CLASP2: variants seen among roughly 807,000 people sequenced by gnomAD.
CLASP2 encodes the protein CLIP-associating protein 2.
In CLASP2, 47 loss-of-function variants were observed where a neutral mutation model predicts 194.4. The ratio of observed to expected loss-of-function variants is 0.24; its 90% CI spans 0.19 to 0.31. The LOEUF is 0.31. CLASP2 is among the 10% of genes least tolerant of loss of function. The probability of loss-of-function intolerance (pLI) is 1.00; values close to 1 mark genes in which losing one functional copy is unlikely to be tolerated. For synonymous variants in CLASP2, 619 were observed against 633.5 expected (o/e 0.98, Z 0.34); for missense variants, 1,445 against 1,823.6 (o/e 0.79, Z 3.78).
rs756994637 is a variant in CLASP2, at chr3:33,510,794, G to A, written c.4111-30C>T. On this transcript the variant is annotated intron_variant, in intron 36 of 38. Coordinates refer to ENST00000682230, the MANE Select transcript of CLASP2 (RefSeq NM_001365631.1). Reference sequence around the variant, plus strand: ...AAAAAATAGGAAATTAAGCCAGAAAGTAATTTTTAAAATATTACACTACAT... The same window carrying A: ...AAAAAATAGGAAATTAAGCCAGAAAATAATTTTTAAAATATTACACTACAT... 3.2e-6 allele frequency: 5 copies of A among 1,548,304 alleles called. No homozygotes were observed. The African/African-American group carries it at 5.5e-5, about 17-fold the overall frequency.
chr3:33,518,986 G>A (rs2052212251), intron 34 of CLASP2, among the ~76,000 whole-genome samples: 1 of 152,182 alleles, frequency 6.6e-6, no homozygotes, highest in Admixed American at 6.5e-5. Context: ...CTTATACTCT[G>A]TGATTGGAGC....
At chr3:33,677,843 C>G (rs1235221508) in intron 6 of CLASP2, among the ~76,000 whole-genome samples, 1 of 144,088 alleles carries the variant, frequency 6.9e-6, no homozygotes, top group South Asian at 2.2e-4. Flanking sequence ...TAGCTAAGGG[C>G]TCCAAAGAAT....
At chr3:33,535,124 A>C (rs2057092194) in intron 34 of CLASP2, 109 bp downstream of exon 34, 14 of 729,832 alleles carry the variant, frequency 1.9e-5, no homozygotes, top group Non-Finnish European at 2.3e-5. Context: ...TCTTATTCTA[A>C]AAATTGTTAC....
chr3:33,637,889 T>A (rs1470800756), intron 8 of CLASP2, among the ~76,000 whole-genome samples: 1 of 152,178 alleles, frequency 6.6e-6, no homozygotes, highest in East Asian at 1.9e-4. Flanking sequence ...AGCAGCAGAA[T>A]TTCAAAACAT....
At chr3:33,536,109 C>G (rs753587273) in intron 33 of CLASP2, among the ~76,000 whole-genome samples, 16 of 152,086 alleles carry the variant, frequency 1.1e-4, no homozygotes, top group Non-Finnish European at 2.4e-4. Context: ...AAGCCATTTG[C>G]TAGGCACTTT....
intron 12 of CLASP2, among the ~76,000 whole-genome samples, chr3:33,612,970 A>C (rs1559380741): frequency 6.6e-6 from 1 of 152,214 alleles, no homozygotes; most frequent in Non-Finnish European, 1.5e-5. Context: ...TCGATAGTTC[A>C]GTAGGTTGAC....
At chr3:33,584,514 C>A (rs938278884) in intron 22 of CLASP2, among the ~76,000 whole-genome samples, 2 of 151,778 alleles carry the variant, frequency 1.3e-5, no homozygotes, top group Non-Finnish European at 2.9e-5. Flanking sequence ...GATCCACCCC[C>A]CTCAGCCTCC....
chr3:33,689,692 T>G, intron 3 of CLASP2, 137 bp downstream of exon 3: 1 of 531,418 alleles, frequency 1.9e-6, no homozygotes, highest in Non-Finnish European at 3.2e-6. Context: ...ACATTGACAC[T>G]GTATCTTAAA....
chr3:33,604,292 G>T, intron 16 of CLASP2, 83 bp from the exon 17 acceptor site: 4 of 866,390 alleles, frequency 4.6e-6, no homozygotes, highest in Non-Finnish European at 7.3e-6. Flanking sequence ...ACTGAATTTT[G>T]TGGAAAGTTG....
In CLASP2 at chr3:33,674,278, C is replaced by G. The variant is rs1460178335; in HGVS notation, c.644+10081G>C. ...ACAGTGCAATCAAACTAGAACTCAGCATTAAGAAACTCACTCAAAACCACT... is the reference window on the plus strand; with the variant it reads ...ACAGTGCAATCAAACTAGAACTCAGGATTAAGAAACTCACTCAAAACCACT... On this transcript the variant is annotated intron_variant, in intron 6 of 38. Transcript: ENST00000682230. Among the ~76,000 whole-genome samples the G allele has an allele frequency of 9.2e-5, 14 of 152,034 alleles. No homozygotes were observed. The South Asian group carries it at 1.7e-3, about 18-fold the overall frequency.
chr3:33,596,168 C>A (rs995245191), intron 19 of CLASP2, among the ~76,000 whole-genome samples: 1 of 151,852 alleles, frequency 6.6e-6, no homozygotes, highest in Non-Finnish European at 1.5e-5. Context: ...CAAGCCACTA[C>A]AGATAAACTG....
intron 37 of CLASP2, chr3:33,504,503 A>G (rs140695453): frequency 6.6e-6 from 1 of 152,334 alleles, no homozygotes; most frequent in East Asian, 1.9e-4. Flanking sequence ...TGAGCTGCGT[A>G]ATCATTCAAT....
At chr3:33,672,777 G>A (rs1273002905) in intron 6 of CLASP2, among the ~76,000 whole-genome samples, 4 of 152,170 alleles carry the variant, frequency 2.6e-5, no homozygotes, top group East Asian at 1.9e-4. Flanking sequence ...GCCCAGGCTC[G>A]AGAACTACAT....
intron 30 of CLASP2, 67 bp downstream of exon 30, chr3:33,551,185 C>T: frequency 1.2e-5 from 16 of 1,377,886 alleles, no homozygotes; most frequent in Non-Finnish European, 1.6e-5. Context: ...TAGCTTCCTT[C>T]ACTGGCAATC....
rs1409347463 is a variant in CLASP2, at chr3:33,510,629, T to C, written c.4246A>G (p.Lys1416Glu). ...TCCTTGGACACTCTCTCTATCACTT[T>C]TGTTTGCATTTTGATTGCAGCCAGA... The part of the protein sequence containing the change: ...INLAAIKMQT[K>E]VIERVSKETL... Residue 1416 changes from lysine to glutamate, a missense_variant, in exon 37 of 39, where the codon AAA becomes GAA. Transcript: ENST00000682230. 2 of 1,613,822 alleles carry C rather than the reference T, an allele frequency of 1.2e-6. No individual in the cohort carries two copies. The highest frequency in any genetic ancestry group is 1.3e-5 in the African/African-American group (1 of 74,918).
chr3:33,600,333 A>G (rs2071726653), intron 18 of CLASP2, among the ~76,000 whole-genome samples: 1 of 152,176 alleles, frequency 6.6e-6, no homozygotes, highest in Non-Finnish European at 1.5e-5. Flanking sequence ...ATCGTCAGGT[A>G]GGATGTTAGC....
intron 6 of CLASP2, among the ~76,000 whole-genome samples, chr3:33,677,220 C>T (rs1422434501): frequency 6.6e-6 from 1 of 152,062 alleles, no homozygotes; most frequent in African/African-American, 2.4e-5. Context: ...ACCCAAAGGA[C>T]TATAAATCAT....
chr3:33,653,043 A>G (rs766619122), intron 7 of CLASP2, among the ~76,000 whole-genome samples: 1 of 152,218 alleles, frequency 6.6e-6, no homozygotes, highest in Non-Finnish European at 1.5e-5. Context: ...AAAGTAGACA[A>G]TATAATCCTC....
In CLASP2 at chr3:33,535,276, G is replaced by A. The variant is rs763106072; in HGVS notation, c.3744C>T (p.Leu1248=). 3.7e-6 allele frequency: 6 copies of A among 1,613,908 alleles called. No individual in the cohort carries two copies. Among genetic ancestry groups the A allele is most frequent in the African/African-American group, 1.3e-5 (1 of 75,050 alleles). Residue 1248 remains leucine, a synonymous_variant, in exon 34 of 39, where the codon CTC becomes CTT. Coordinates refer to ENST00000682230, the MANE Select transcript of CLASP2 (RefSeq NM_001365631.1). ...DSISPFNKSA[L]KEAMFDDDAD... ...CATCATCATCAAACATGGCTTCCTT[G>A]AGGGCAGACTTGTTGAAGGGACTGA...
Sources: gnomAD v4.1 joint callset for allele counts (sites outside exome capture counted in the v4.1 genomes callset) on GRCh38, gnomAD v4.1.1 for gene constraint, MANE v1.5 for transcripts, NCBI Gene and HGNC (gene_info 2026-07-23, HGNC 2026-07-21) for gene names.